The following CNTNAP5 variants were observed in gnomAD, a reference collection of about 807,000 sequenced individuals.
CNTNAP5 encodes the protein contactin associated protein family member 5.
A neutral mutation model predicts 150.2 loss-of-function variants in CNTNAP5; 72 were observed. The observed-to-expected ratio is 0.48, with a 90% CI of 0.40 to 0.58. CNTNAP5 has a LOEUF of 0.58. CNTNAP5 is among the 20% of genes least tolerant of loss of function. CNTNAP5 has a pLI of 0.00. For synonymous variants in CNTNAP5, 672 were observed against 619.8 expected, an observed-to-expected ratio of 1.08 and a Z score of -1.25; for missense variants, 1,636 against 1,626.2, an observed-to-expected ratio of 1.01 and a Z score of -0.10.
intron 21 of CNTNAP5, among the ~76,000 whole-genome samples, chr2:124,884,268 G>T (rs1678034078): frequency 6.6e-6 from 1 of 151,592 alleles, no homozygotes; most frequent in Non-Finnish European, 1.5e-5. Flanking sequence ...TATGTGTATG[G>T]GAATACTTGT....
intron 12 of CNTNAP5, among the ~76,000 whole-genome samples, chr2:124,632,911 G>C (rs2105011212): frequency 6.6e-6 from 1 of 152,170 alleles, no homozygotes; most frequent in African/African-American, 2.4e-5. Context: ...GGGAAGAGAG[G>C]CAGGCAGGGA....
At chr2:124,777,563 A>T (rs578224559) in intron 17 of CNTNAP5, among the ~76,000 whole-genome samples, 54 of 152,054 alleles carry the variant, frequency 3.6e-4, no homozygotes, top group African/African-American at 1.1e-3. Flanking sequence ...TTGTATTTTT[A>T]ATAGAGATAG....
At chr2:124,775,486 A>G (rs1681301519) in intron 17 of CNTNAP5, among the ~76,000 whole-genome samples, 1 of 152,176 alleles carries the variant, frequency 6.6e-6, no homozygotes, top group Admixed American at 6.6e-5. Flanking sequence ...AGGATCTTTC[A>G]ATCAAAATGG....
intron 1 of CNTNAP5, among the ~76,000 whole-genome samples, chr2:124,047,960 C>G (rs1319170119): frequency 6.6e-6 from 1 of 152,168 alleles, no homozygotes; most frequent in Non-Finnish European, 1.5e-5. Flanking sequence ...TGCATACACA[C>G]ACTCAGGCAC....
chr2:124,065,656 T>C (rs1403465986), intron 1 of CNTNAP5, among the ~76,000 whole-genome samples: 1 of 152,120 alleles, frequency 6.6e-6, no homozygotes, highest in African/African-American at 2.4e-5. Flanking sequence ...AAACTTATCA[T>C]TATAATAACA....
chr2:124,116,318 G>C (rs887247285), intron 1 of CNTNAP5, among the ~76,000 whole-genome samples: 2 of 152,160 alleles, frequency 1.3e-5, no homozygotes, highest in Non-Finnish European at 2.9e-5. Flanking sequence ...TGCTATCACA[G>C]TCCCCATAGC....
chr2:124,451,589 G>T (rs559908470), intron 6 of CNTNAP5, among the ~76,000 whole-genome samples: 1 of 152,034 alleles, frequency 6.6e-6, no homozygotes, highest in East Asian at 1.9e-4. Flanking sequence ...GTGGAGACTC[G>T]CATCGTGAAC....
At chr2:124,751,979 G>A (rs912181269) in intron 14 of CNTNAP5, among the ~76,000 whole-genome samples, 1 of 152,138 alleles carries the variant, frequency 6.6e-6, no homozygotes, top group Non-Finnish European at 1.5e-5. Context: ...GGTTAAGGTC[G>A]CTTGACTAAG....
chr2:124,780,814 T>C (rs1681434072), intron 17 of CNTNAP5, among the ~76,000 whole-genome samples: 1 of 152,240 alleles, frequency 6.6e-6, no homozygotes, highest in Admixed American at 6.5e-5. Flanking sequence ...TGCAATGCCT[T>C]CTGGGCAGTC....
intron 1 of CNTNAP5, among the ~76,000 whole-genome samples, chr2:124,054,980 T>C (rs1328502031): frequency 6.6e-6 from 1 of 152,180 alleles, no homozygotes; most frequent in Non-Finnish European, 1.5e-5. Context: ...AGTTTTGAAC[T>C]GGAGCCAAAT....
intron 19 of CNTNAP5, among the ~76,000 whole-genome samples, chr2:124,843,696 G>A (rs1682991015): frequency 6.6e-6 from 1 of 151,694 alleles, no homozygotes; most frequent in Non-Finnish European, 1.5e-5. Context: ...TTTGATTATG[G>A]CTATTGCAGG....
rs1333492609 is a variant in CNTNAP5, at chr2:124,728,725, T to TG, written c.2078-18502dup. Among the ~76,000 whole-genome samples the TG allele has an allele frequency of 3.3e-5, 5 of 152,038 alleles. No homozygotes were observed. In the East Asian group the frequency reaches 9.6e-4, roughly 29 times the overall value. ...TTTGTAATAAATATGGAATGAGGCA[T>TG]GGAAAAATTGGCTTAAAACCTTTAA... On this transcript the variant is annotated intron_variant, in intron 13 of 23. Coordinates refer to ENST00000682447, the MANE Select transcript of CNTNAP5 (RefSeq NM_001367498.1).
chr2:124,770,551 G>A (rs758744573), intron 16 of CNTNAP5, among the ~76,000 whole-genome samples: 10 of 152,170 alleles, frequency 6.6e-5, no homozygotes, highest in Non-Finnish European at 1.2e-4. Context: ...AAATGTAAAT[G>A]TGGGGTCCAG....
At chr2:124,144,019 T>G (rs866875444) in intron 1 of CNTNAP5, among the ~76,000 whole-genome samples, 1 of 151,478 alleles carries the variant, frequency 6.6e-6, no homozygotes, top group African/African-American at 2.4e-5. Flanking sequence ...GAGAGCCAAA[T>G]CATGAGTGAA....
At chr2:124,397,622 C>T (rs1573966217) in intron 3 of CNTNAP5, among the ~76,000 whole-genome samples, 1 of 152,168 alleles carries the variant, frequency 6.6e-6, no homozygotes. Flanking sequence ...TTATGTTACT[C>T]TGAAATACAA....
At chr2:124,764,214 A>G in intron 16 of CNTNAP5, 67 bp downstream of exon 16, 1 of 1,294,372 alleles carries the variant, frequency 7.7e-7, no homozygotes, top group Non-Finnish European at 1.1e-6. Context: ...TGTTTTTGCC[A>G]CCAGTCACTA....
chr2:124,841,380 T>C (rs1433428487), intron 19 of CNTNAP5, among the ~76,000 whole-genome samples: 1 of 115,294 alleles, frequency 8.7e-6, no homozygotes, highest in Non-Finnish European at 1.6e-5. Flanking sequence ...GCACTCCATC[T>C]TTTTTTTTTT....
intron 1 of CNTNAP5, among the ~76,000 whole-genome samples, chr2:124,207,953 G>A (rs745456739): frequency 1.1e-4 from 16 of 152,194 alleles, no homozygotes; most frequent in South Asian, 6.2e-4. Context: ...TGTCTTCATA[G>A]CTACAGCCAA....
At chr2:124,312,926 A>G (rs979458731) in intron 3 of CNTNAP5, among the ~76,000 whole-genome samples, 2 of 152,118 alleles carry the variant, frequency 1.3e-5, no homozygotes, top group Non-Finnish European at 2.9e-5. Context: ...GCTGGTCTCG[A>G]ACTCCTGACC....
Sources: gnomAD v4.1 joint callset for allele counts (sites outside exome capture counted in the v4.1 genomes callset) on GRCh38, gnomAD v4.1.1 for gene constraint, MANE v1.5 for transcripts, NCBI Gene and HGNC (gene_info 2026-07-23, HGNC 2026-07-21) for gene names.